Variants in NPEPPS observed in about 807,000 individuals in gnomAD.
The protein encoded by NPEPPS is aminopeptidase puromycin sensitive.
A neutral mutation model predicts 115.5 loss-of-function variants in NPEPPS; 14 were observed. That is an observed-to-expected ratio of 0.12 (90% CI 0.08 to 0.19). The LOEUF (loss-of-function observed/expected upper bound fraction) is 0.19. Among genes scored for constraint, NPEPPS ranks in the 10% least tolerant of loss-of-function variants. The probability of loss-of-function intolerance (pLI) is 1.00; values close to 1 mark genes in which losing one functional copy is unlikely to be tolerated. For missense variants in NPEPPS, 523 were observed against 1,110.8 expected, an observed-to-expected ratio of 0.47 and a Z score of 7.52; for synonymous variants, 285 against 390.6, an observed-to-expected ratio of 0.73 and a Z score of 3.19.
chr17:47,605,609 G>A, intron 17 of NPEPPS, 57 bp downstream of exon 17: 5 of 1,043,120 alleles, frequency 4.8e-6, no homozygotes, highest in Non-Finnish European at 7.2e-6. Context: ...TTTTTTATGT[G>A]GTTAACAATA....
Position 47,618,360 on chromosome 17 carries a change from A to T in NPEPPS, c.2306A>T (p.Gln769Leu). The part of the protein sequence containing the change: ...TLDIMLKLHK[Q>L]ADMQEEKNRI... ...TCTTTTTTCCTGTAGCTTCATAAACAAGCAGATATGCAAGAAGAGAAAAAC... is the reference window on the plus strand; with the variant it reads ...TCTTTTTTCCTGTAGCTTCATAAACTAGCAGATATGCAAGAAGAGAAAAAC... The change falls in exon 20 of 23, where the codon CAA becomes CTA. Residue 769 changes from glutamine (Q) to leucine (L), a missense_variant. Coordinates refer to ENST00000322157, the MANE Select transcript of NPEPPS (RefSeq NM_006310.4). The T allele has an allele frequency of 6.2e-7, 1 of 1,611,412 alleles. No individual in the cohort carries two copies. The highest frequency in any genetic ancestry group is 8.5e-7 in the Non-Finnish European group (1 of 1,177,596).
chr17:47,611,542 A>G (rs1030579973), intron 17 of NPEPPS, among the ~76,000 whole-genome samples: 20 of 151,492 alleles, frequency 1.3e-4, no homozygotes, highest in Admixed American at 2.0e-4. Context: ...TACAGCTTCA[A>G]CCTCCTTGCA....
chr17:47,553,890 A>G (rs1027408515), intron 2 of NPEPPS, among the ~76,000 whole-genome samples: 3 of 151,818 alleles, frequency 2.0e-5, no homozygotes, highest in Admixed American at 1.3e-4. Context: ...AGCTGGGACT[A>G]CAGGCGCATG....
At chr17:47,594,854 G>C (rs1211679194) in intron 12 of NPEPPS, among the ~76,000 whole-genome samples, 5 of 151,842 alleles carry the variant, frequency 3.3e-5, no homozygotes, top group African/African-American at 1.2e-4. Flanking sequence ...GGATGGTCTC[G>C]ATCTCCTGAC....
intron 1 of NPEPPS, among the ~76,000 whole-genome samples, chr17:47,538,230 C>G (rs1245305046): frequency 6.2e-5 from 3 of 48,528 alleles, no homozygotes; most frequent in East Asian, 1.7e-3. Flanking sequence ...TTTTTTGAGA[C>G]AGAGTCTCAC....
At chr17:47,618,979 C>T in intron 20 of NPEPPS, 30 bp from the exon 21 acceptor site, 1 of 1,605,086 alleles carries the variant, frequency 6.2e-7, no homozygotes. Flanking sequence ...TTTTGATACA[C>T]TAGACTTTTA....
intron 2 of NPEPPS, among the ~76,000 whole-genome samples, chr17:47,564,843 G>A (rs1910696421): frequency 6.6e-6 from 1 of 151,778 alleles, no homozygotes; most frequent in East Asian, 1.9e-4. Flanking sequence ...ATCCTTATTT[G>A]AATCAGTATA....
rs577328106 is a variant in NPEPPS, at chr17:47,535,535, G to C, written c.255+3980G>C. Among the ~76,000 whole-genome samples the C allele has an allele frequency of 3.5e-3, 488 of 140,596 alleles. 1 individual carries two copies. Among genetic ancestry groups the C allele is most frequent in the Non-Finnish European group, 5.7e-3 (370 of 64,966 alleles). 92.2% of individuals were successfully genotyped at this position (140,596 alleles called of 152,430 possible). A position where few individuals can be genotyped will look rare whatever the true frequency, so the allele number is the denominator to read the frequency against. ...CACGCACTCCAGCCTGGGTGACAGA[G>C]CGAGGCTCCGTCTCAAAAAAAAAAA... On this transcript the variant is annotated intron_variant, in intron 1 of 22. Coordinates refer to ENST00000322157, the MANE Select transcript of NPEPPS (RefSeq NM_006310.4).
upstream of NPEPPS, among the ~76,000 whole-genome samples, chr17:47,527,079 A>G (rs557025937): frequency 2.6e-5 from 4 of 152,354 alleles, no homozygotes; most frequent in South Asian, 4.1e-4. Context: ...TTATTAGTGT[A>G]TGACCTTAGG....
intron 20 of NPEPPS, among the ~76,000 whole-genome samples, chr17:47,618,762 T>C (rs1285045780): frequency 6.6e-6 from 1 of 152,244 alleles, no homozygotes; most frequent in African/African-American, 2.4e-5. Flanking sequence ...CTTAAACCTA[T>C]AGGCTCCTAA....
intron 1 of NPEPPS, among the ~76,000 whole-genome samples, chr17:47,534,668 A>G (rs1186245864): frequency 2.0e-5 from 3 of 151,956 alleles, no homozygotes; most frequent in South Asian, 2.1e-4. Context: ...GCCGGGTTCA[A>G]GCGAGTCTCC....
chr17:47,570,146 G>T (rs1302533568), intron 3 of NPEPPS, among the ~76,000 whole-genome samples: 1 of 152,172 alleles, frequency 6.6e-6, no homozygotes, highest in Non-Finnish European at 1.5e-5. Flanking sequence ...CCTAGGCCGG[G>T]CATGGTGGCT....
intron 18 of NPEPPS, 49 bp from the exon 19 acceptor site, chr17:47,613,620 T>C: frequency 2.1e-6 from 3 of 1,432,860 alleles, no homozygotes; most frequent in Non-Finnish European, 2.9e-6. Context: ...ATTAGAATAC[T>C]TGAAACAAGG....
intron 17 of NPEPPS, 131 bp from the exon 18 acceptor site, chr17:47,612,329 T>C: frequency 7.4e-6 from 6 of 805,664 alleles, no homozygotes; most frequent in South Asian, 1.9e-5. Flanking sequence ...TTCTCTCAGG[T>C]ATTAAGTTAA....
chr17:47,621,694 T>C (rs1272930908), intron 22 of NPEPPS, 74 bp from the exon 23 acceptor site: 3 of 1,401,862 alleles, frequency 2.1e-6, no homozygotes, highest in Non-Finnish European at 2.9e-6. Context: ...GACCAGTGGG[T>C]ATTTTTTCAT....
intron 2 of NPEPPS, among the ~76,000 whole-genome samples, chr17:47,547,152 C>CT (rs1567840218): frequency 6.6e-6 from 1 of 151,840 alleles, no homozygotes; most frequent in Non-Finnish European, 1.5e-5. Context: ...GAAGAACATG[C>CT]TAAAAAGAAA....
At chr17:47,604,730 C>T (rs1221944524) in intron 16 of NPEPPS, among the ~76,000 whole-genome samples, 1 of 152,186 alleles carries the variant, frequency 6.6e-6, no homozygotes, top group African/African-American at 2.4e-5. Context: ...GATCTAATTG[C>T]TGAGAGAGAC....
chr17:47,600,316 A>T (rs1266507112), intron 14 of NPEPPS, among the ~76,000 whole-genome samples: 1 of 152,166 alleles, frequency 6.6e-6, no homozygotes, highest in African/African-American at 2.4e-5. Context: ...ATGCATCTGC[A>T]GTCCCTGCTA....
At chr17:47,529,545 C>T (rs1907578982), upstream of NPEPPS, among the ~76,000 whole-genome samples, 1 of 148,980 alleles carries the variant, frequency 6.7e-6, no homozygotes, top group South Asian at 2.1e-4. Context: ...GCTGGGACTA[C>T]AGGCACATGA....
Sources: allele counts gnomAD v4.1 joint callset (sites outside exome capture counted in the v4.1 genomes callset), GRCh38; gene constraint gnomAD v4.1.1; transcripts MANE v1.5; gene names NCBI Gene and HGNC (gene_info 2026-07-23, HGNC 2026-07-21).